The following CUL7 variants were observed in gnomAD, a reference collection of about 807,000 sequenced individuals.
CUL7 encodes cullin-7.
CUL7 carries 96 observed loss-of-function variants against 177.7 expected under a neutral mutation model. The observed-to-expected ratio is 0.54, with a 90% CI of 0.46 to 0.64. The LOEUF (loss-of-function observed/expected upper bound fraction) is 0.64, where lower values mean the gene tolerates loss of function less well. CUL7 is among the 30% of genes least tolerant of loss of function. CUL7 has a pLI of 0.00. For missense variants in CUL7, 1,893 were observed against 2,187.9 expected (o/e 0.87, Z 2.69); for synonymous variants, 824 against 890.2 (o/e 0.93, Z 1.32).
At position 43,051,531 on chromosome 6, in the gene CUL7, C is replaced by T; in HGVS notation, c.733-63G>A. On this transcript the variant is annotated intron_variant, in intron 3 of 25. Coordinates refer to ENST00000265348, the MANE Select transcript of CUL7 (RefSeq NM_014780.5). This position sits in a 1 kb window ranked among gnomAD's most constrained non-coding sequence, Gnocchi z 5.0. Reference sequence around the variant, plus strand: ...CCAGTTTAAGCCCCTCTCTCCATACCATCCTCTGCAGATAGGTGCAAAGGC... The same window carrying T: ...CCAGTTTAAGCCCCTCTCTCCATACTATCCTCTGCAGATAGGTGCAAAGGC... The T allele has an allele frequency of 1.2e-6, 2 of 1,613,912 alleles. No individual in the cohort carries two copies. Among genetic ancestry groups the T allele is most frequent in the East Asian group, 2.2e-5 (1 of 44,888 alleles).
Position 43,038,320 on chromosome 6 carries a change from T to A in CUL7, c.4720A>T (p.Ile1574Phe). The A allele has an allele frequency of 6.2e-7, 1 of 1,614,130 alleles. No homozygotes were observed. The highest frequency in any genetic ancestry group is 8.5e-7 in the Non-Finnish European group (1 of 1,180,026). Residue 1574 changes from isoleucine to phenylalanine, a missense_variant, in exon 25 of 26, where the codon ATC becomes TTC. This residue lies in a region of CUL7 where 248 missense variants were observed against 262.5 expected (regional missense o/e 0.94). Coordinates refer to ENST00000265348, the MANE Select transcript of CUL7 (RefSeq NM_014780.5). ...CCCTCATCTCCATGGGCCTTGAGGA[T>A]TCGGACGATGAGGCAGTTCAGAAGA... ...RNLLNCLIVRILKAHGDEGLH... is the reference protein window; with the variant it reads ...RNLLNCLIVRFLKAHGDEGLH...
At position 43,046,874 on chromosome 6, in the gene CUL7, C is replaced by G; in HGVS notation, c.2397+6G>C. ...TCTAAGCCCACAAGCTCCCCTTCCTCCTGACCTGGATGCAGCCTCCCAGGA... is the reference window on the plus strand; with the variant it reads ...TCTAAGCCCACAAGCTCCCCTTCCTGCTGACCTGGATGCAGCCTCCCAGGA... On this transcript the variant is annotated splice_donor_region_variant and intron_variant, in intron 10 of 25. Transcript: ENST00000265348. The G allele has an allele frequency of 6.4e-7, 1 of 1,569,344 alleles. No individual in the cohort carries two copies. Among genetic ancestry groups the G allele is most frequent in the Non-Finnish European group, 8.8e-7 (1 of 1,139,142 alleles).
chr6:43,048,061 C>T, intron 9 of CUL7, 87 bp downstream of exon 9: 1 of 835,292 alleles, frequency 1.2e-6, no homozygotes, highest in Non-Finnish European at 2.0e-6. Context: ...CTATCACGCC[C>T]TCCAGAGCCT....
At chr6:43,042,113 A>AGGAG (rs202089402) in intron 19 of CUL7, among the ~76,000 whole-genome samples, 2 of 150,114 alleles carry the variant, frequency 1.3e-5, no homozygotes, top group South Asian at 2.1e-4. Context: ...GAAGGAGGGA[A>AGGAG]GGAGGGAAGG....
Position 43,045,480 on chromosome 6 carries a change from C to A in CUL7, c.2863-78G>T. 6.2e-7 allele frequency: 1 copy of A among 1,613,650 alleles called. No individual in the cohort carries two copies. Among genetic ancestry groups the A allele is most frequent in the African/African-American group, 1.3e-5 (1 of 75,058 alleles). Reference sequence around the variant, plus strand: ...GGGTCAGCTACGCCCTCGAACCTCACCCCTGGAGCTGCTCGAGACCCAGGC... The same window carrying A: ...GGGTCAGCTACGCCCTCGAACCTCAACCCTGGAGCTGCTCGAGACCCAGGC... On this transcript the variant is annotated intron_variant, in intron 14 of 25. Transcript: ENST00000265348. This position sits in a 1 kb window ranked among gnomAD's most constrained non-coding sequence, Gnocchi z 4.8.
chr6:43,051,998 A>T lies in CUL7; in HGVS notation c.580+211T>A. 1.0e-6 allele frequency: 1 copy of T among 974,684 alleles called. No individual in the cohort carries two copies. Among genetic ancestry groups the T allele is most frequent in the Non-Finnish European group, 1.5e-6 (1 of 664,390 alleles). The allele number at this position is 974,684 out of a possible 1,614,324, so 60.4% of individuals were successfully genotyped here. ...TTTGCATAAAAAGCAACTAATTAAT[A>T]TGAGGTTCTTGAAGATAGTCTTTCC... On this transcript the variant is annotated intron_variant, in intron 2 of 25. Coordinates refer to ENST00000265348, the MANE Select transcript of CUL7 (RefSeq NM_014780.5). This position sits in a 1 kb window ranked among gnomAD's most constrained non-coding sequence, Gnocchi z 5.0.
Position 43,051,854 on chromosome 6 carries a change from C to T in CUL7, c.581-91G>A. ...CTACTCTTTCAATCCAATCCTTTTG[C>T]CACCACACAATGAGAAAGAACTGAT... On this transcript the variant is annotated intron_variant, in intron 2 of 25. Coordinates refer to ENST00000265348, the MANE Select transcript of CUL7 (RefSeq NM_014780.5). This position sits in a 1 kb window ranked among gnomAD's most constrained non-coding sequence, Gnocchi z 5.0. 1 of 1,493,920 alleles carries T rather than the reference C, an allele frequency of 6.7e-7. No homozygotes were observed. Among genetic ancestry groups the T allele is most frequent in the Non-Finnish European group, 9.3e-7 (1 of 1,072,784 alleles). The allele number at this position is 1,493,920 out of a possible 1,614,324, so 92.5% of individuals were successfully genotyped here.
chr6:43,052,053 C>G lies in CUL7; in HGVS notation c.580+156G>C, dbSNP rs1236342534. ...TTGGCAGATAACCCCCACCCTCACT[C>G]CCATGCCCACCTCCTTTTCTTCCAA... On this transcript the variant is annotated intron_variant, in intron 2 of 25. Transcript: ENST00000265348. This position sits in a 1 kb window ranked among gnomAD's most constrained non-coding sequence, Gnocchi z 4.5. The G allele has an allele frequency of 1.2e-5, 17 of 1,405,574 alleles. No individual in the cohort carries two copies. The South Asian group carries it at 2.1e-4, about 18-fold the overall frequency. The allele number at this position is 1,405,574 out of a possible 1,614,324, so 87.1% of individuals were successfully genotyped here.
chr6:43,040,334 C>G lies in CUL7; in HGVS notation c.4116G>C (p.Glu1372Asp). The G allele has an allele frequency of 6.2e-7, 1 of 1,613,842 alleles. No homozygotes were observed. Among genetic ancestry groups the G allele is most frequent in the South Asian group, 1.1e-5 (1 of 91,088 alleles). ...AAVVDVAEGE[E>D]EEEENEDLYY... Reference sequence around the variant, plus strand: ...AGAGGTCCTCATTCTCCTCCTCTTCCTCCTCTCCCTCCGCCACATCCACCA... The same window carrying G: ...AGAGGTCCTCATTCTCCTCCTCTTCGTCCTCTCCCTCCGCCACATCCACCA... Residue 1372 changes from glutamate to aspartate, a missense_variant, in exon 22 of 26, where the codon GAG (glutamate) becomes GAC (aspartate). Coordinates refer to ENST00000265348, the MANE Select transcript of CUL7 (RefSeq NM_014780.5). The surrounding 1 kb of genome is among the most constrained non-coding windows in gnomAD (Gnocchi z 4.2).
Position 43,050,838 on chromosome 6 carries a change from T to C in CUL7, c.1233+130A>G. On this transcript the variant is annotated intron_variant, in intron 4 of 25. Transcript: ENST00000265348. The surrounding 1 kb of genome is among the most constrained non-coding windows in gnomAD (Gnocchi z 4.1). ...GGCCCCCCTCTCAACTACTGACTCT[T>C]TTCACCATTCCAATCTTACCTAAAG... The C allele has an allele frequency of 1.6e-6, 2 of 1,231,410 alleles. No individual in the cohort carries two copies. Among genetic ancestry groups the C allele is most frequent in the Non-Finnish European group, 2.3e-6 (2 of 867,940 alleles). 76.3% of individuals were successfully genotyped at this position (1,231,410 alleles called of 1,614,324 possible).
chr6:43,049,609 C>G lies in CUL7; in HGVS notation c.1623G>C (p.Gln541His). The G allele has an allele frequency of 6.2e-7, 1 of 1,614,214 alleles. No homozygotes were observed. The change falls in exon 7 of 26, where the codon CAG becomes CAC. Residue 541 changes from glutamine (Q) to histidine (H), a missense_variant. Around this residue, in one of 5 missense-constraint regions of CUL7, gnomAD observed 653 missense variants for 725.2 expected, o/e 0.90. Transcript: ENST00000265348. Reference sequence around the variant, plus strand: ...GCTGTGGCAGAGTCAGCAGCAAGTCCTGGGCCAATTCTATGGGCACGGCCA... The same window carrying G: ...GCTGTGGCAGAGTCAGCAGCAAGTCGTGGGCCAATTCTATGGGCACGGCCA... ...AELAVPIELA[Q>H]DLLLTLPQRL...
chr6:43,045,185 C>T lies in CUL7; in HGVS notation c.3038+42G>A. On this transcript the variant is annotated intron_variant, in intron 15 of 25. Transcript: ENST00000265348. The surrounding 1 kb of genome is among the most constrained non-coding windows in gnomAD (Gnocchi z 4.8). ...CTGCCAGCTATTTGCAATAGCCTTA[C>T]CTTTCCCACAGACACAAGCATACAC... 1 of 1,597,100 alleles carries T rather than the reference C, an allele frequency of 6.3e-7. No homozygotes were observed. The highest frequency in any genetic ancestry group is 8.5e-7 in the Non-Finnish European group (1 of 1,171,538).
Position 43,045,304 on chromosome 6 carries a change from G to A in CUL7, c.2961C>T (p.Leu987=). ...FREQLCRHTR[L]FYMVRAQAWS... is the part of the protein sequence containing the mutation. The stretch of plus-strand genomic sequence containing the variant: ...AGGCCTGTGCCCGAACCATGTAGAA[G>A]AGGCGTGTGTGACGACAGAGCTGCT... Residue 987 remains leucine, a synonymous_variant, in exon 15 of 26, where the codon CTC becomes CTT. Transcript: ENST00000265348. This position sits in a 1 kb window ranked among gnomAD's most constrained non-coding sequence, Gnocchi z 4.8. 6.2e-7 allele frequency: 1 copy of A among 1,614,236 alleles called. No individual in the cohort carries two copies. The highest frequency in any genetic ancestry group is 1.3e-5 in the African/African-American group (1 of 75,054).
chr6:43,045,030 A>G lies in CUL7; in HGVS notation c.3039-145T>C. ...TCAGAACTGCTCTGTGCTAACTGGT[A>G]TATCCCATTCCCAGCCCACTGGAGA... is the stretch of plus-strand genomic sequence containing the variant. On this transcript the variant is annotated intron_variant, in intron 15 of 25. Coordinates refer to ENST00000265348, the MANE Select transcript of CUL7 (RefSeq NM_014780.5). The surrounding 1 kb of genome is among the most constrained non-coding windows in gnomAD (Gnocchi z 4.8). The G allele has an allele frequency of 7.3e-7, 1 of 1,370,548 alleles. No individual in the cohort carries two copies. Among genetic ancestry groups the G allele is most frequent in the Non-Finnish European group, 1.0e-6 (1 of 996,456 alleles). The allele number at this position is 1,370,548 out of a possible 1,614,324, so 84.9% of individuals were successfully genotyped here.
rs201528393 is a variant in CUL7 at position 43,038,397 on chromosome 6, G to A, written c.4643C>T (p.Thr1548Met). The A allele has an allele frequency of 1.4e-5, 22 of 1,614,016 alleles. No homozygotes were observed. Among genetic ancestry groups the A allele is most frequent in the East Asian group, 2.2e-5 (1 of 44,894 alleles). The change falls in exon 25 of 26, where the codon ACG (threonine) becomes ATG (methionine). Residue 1548 changes from threonine (T) to methionine (M), a missense_variant. Thr to Met is a moderately conservative substitution (Grantham distance 81). Transcript: ENST00000265348. Reference sequence around the variant, plus strand: ...GTCTTCACCCTCAGCTTGCAGGTACGTCTGAGGTGGGATGAGCCGCACAAT... The same window carrying A: ...GTCTTCACCCTCAGCTTGCAGGTACATCTGAGGTGGGATGAGCCGCACAAT... ...WDIVRLIPPQ[T>M]YLQAEGEDGQ...
chr6:43,037,879 G>C lies in CUL7; in HGVS notation c.4906C>G (p.Arg1636Gly). The change falls in exon 26 of 26, where the codon CGC (arginine) becomes GGC (glycine). Residue 1636 changes from arginine (R) to glycine (G), a missense_variant. This residue lies in a region of CUL7 where 248 missense variants were observed against 262.5 expected (regional missense o/e 0.94). Transcript: ENST00000265348. ...AGCACCTGGGGCCGGTCGTCATGGCGTCTCAGCGTGCCCTTGCCCAGGAGG... is the reference window on the plus strand; with the variant it reads ...AGCACCTGGGGCCGGTCGTCATGGCCTCTCAGCGTGCCCTTGCCCAGGAGG... ...LHLLGKGTLRRHDDRPQVLSY... is the reference protein window; with the variant it reads ...LHLLGKGTLRGHDDRPQVLSY... 1 of 1,613,772 alleles carries C rather than the reference G, an allele frequency of 6.2e-7. No individual in the cohort carries two copies.
At position 43,038,886 on chromosome 6, in the gene CUL7, A is replaced by G; in HGVS notation, c.4396T>C (p.Ser1466Pro). 1 of 1,614,138 alleles carries G rather than the reference A, an allele frequency of 6.2e-7. No individual in the cohort carries two copies. Among genetic ancestry groups the G allele is most frequent in the Non-Finnish European group, 8.5e-7 (1 of 1,180,004 alleles). Residue 1466 changes from serine to proline, a missense_variant, in exon 23 of 26, where the codon TCC becomes CCC. Physicochemically the swap from Ser to Pro is moderately conservative, Grantham distance 74. This residue lies in a region of CUL7 where 973 missense variants were observed against 1,140.9 expected (regional missense o/e 0.85). Coordinates refer to ENST00000265348, the MANE Select transcript of CUL7 (RefSeq NM_014780.5). ...AGCAGTAGCCACATCTGCACGGTGG[A>G]CACATGCAGGGTCTGGTTCCCAAAC... ...LQFGNQTLHV[S>P]TVQMWLLLYL...
At chr6:43,038,060 C>A in intron 25 of CUL7, 49 bp from the exon 26 acceptor site, 1 of 1,554,520 alleles carries the variant, frequency 6.4e-7, no homozygotes, top group South Asian at 1.2e-5. Context: ...GCAGCTGACC[C>A]CTCCTTGCTT....
chr6:43,037,856 C>T lies in CUL7; in HGVS notation c.4929G>A (p.Val1643=), dbSNP rs1763078216. ...CAGTCACAGGGACTGCATAGGACAG[C>T]ACCTGGGGCCGGTCGTCATGGCGTC... is the stretch of plus-strand genomic sequence containing the variant. ...TLRRHDDRPQ[V]LSYAVPVTVM... The change falls in exon 26 of 26, where the codon GTG becomes GTA. Residue 1643 remains valine, a synonymous_variant. Transcript: ENST00000265348. 2.5e-6 allele frequency: 4 copies of T among 1,613,562 alleles called. No individual in the cohort carries two copies. The highest frequency in any genetic ancestry group is 3.4e-6 in the Non-Finnish European group (4 of 1,179,746).
Sources: gnomAD v4.1 joint callset for allele counts (sites outside exome capture counted in the v4.1 genomes callset) on GRCh38, gnomAD v4.1.1 for gene constraint, gnomAD v4.1.1 regional missense constraint, Gnocchi (gnomAD v3.1) non-coding constraint, MANE v1.5 for transcripts, NCBI Gene and HGNC (gene_info 2026-07-23, HGNC 2026-07-21) for gene names.